The following USP43 variants were observed in gnomAD, a reference collection of about 807,000 sequenced individuals.
USP43 encodes the protein ubiquitin specific peptidase 43.
USP43 carries 33 observed loss-of-function variants against 90.7 expected under a neutral mutation model. The ratio of observed to expected loss-of-function variants is 0.36; its 90% confidence interval spans 0.28 to 0.49. The LOEUF (loss-of-function observed/expected upper bound fraction) is 0.49, where lower values mean the gene tolerates loss of function less well. Ranked by LOEUF, USP43 falls within the 20% of genes least tolerant of loss-of-function variation. The pLI, the probability that USP43 is intolerant of heterozygous loss-of-function variation, is 0.98. For missense variants in USP43, 1,274 were observed against 1,476.4 expected, an observed-to-expected ratio of 0.86 and a Z score of 2.25; for synonymous variants, 598 against 615.8, an observed-to-expected ratio of 0.97 and a Z score of 0.43.
chr17:9,704,552 A>G (rs909579938), intron 12 of USP43, among the ~76,000 whole-genome samples: 1 of 152,060 alleles, frequency 6.6e-6, no homozygotes, highest in African/African-American at 2.4e-5. Context: ...CCTGGCCTCA[A>G]ATGATCTGCC....
chr17:9,711,836 A>G (rs763749481), intron 13 of USP43, 132 bp from the exon 14 acceptor site: 86 of 1,017,348 alleles, frequency 8.5e-5, no homozygotes, highest in Non-Finnish European at 1.1e-4. Flanking sequence ...AGGTTTCTGC[A>G]GTTCTGTTCT....
chr17:9,696,952 C>T (rs894221841), intron 9 of USP43, among the ~76,000 whole-genome samples: 1 of 152,256 alleles, frequency 6.6e-6, no homozygotes, highest in Admixed American at 6.5e-5. Flanking sequence ...CACGGTGGCT[C>T]ACGCCTATAA....
At position 9,666,599 on chromosome 17, in the gene USP43, G is replaced by T. The variant is rs760949241; in HGVS notation, c.637-49G>T. The T allele has an allele frequency of 2.6e-5, 38 of 1,469,014 alleles. No homozygotes were observed. In the Admixed American group the frequency reaches 7.1e-4, roughly 27 times the overall value. 91.0% of individuals were successfully genotyped at this position (1,469,014 alleles called of 1,614,324 possible). On this transcript the variant is annotated intron_variant, in intron 2 of 14. Transcript: ENST00000285199. ...GGCTCGGTGGTCTGGAAGCAGTTGAGTGATGAGAGGTGTATCTAATCTGGC... is the reference window on the plus strand; with the variant it reads ...GGCTCGGTGGTCTGGAAGCAGTTGATTGATGAGAGGTGTATCTAATCTGGC...
At chr17:9,648,351 T>A (rs1044845410) in intron 1 of USP43, among the ~76,000 whole-genome samples, 4 of 152,188 alleles carry the variant, frequency 2.6e-5, no homozygotes, top group African/African-American at 7.2e-5. Context: ...TTATTGAATG[T>A]CCAGAGAGTA....
rs369381058 is a variant in USP43 at position 9,724,569 on chromosome 17, A to G, written c.2336-3385A>G. The stretch of plus-strand genomic sequence containing the variant: ...GTGGTGGACGCCTGTAATCCCAGCT[A>G]CTGGGGAGGCTGAGGCAGGAGAATC... On this transcript the variant is annotated intron_variant, in intron 14 of 14. Coordinates refer to ENST00000285199, the MANE Select transcript of USP43 (RefSeq NM_153210.5). Among the ~76,000 whole-genome samples, 10 of 152,220 alleles carry G rather than the reference A, an allele frequency of 6.6e-5. No individual in the cohort carries two copies. The South Asian group carries it at 1.2e-3, about 19-fold the overall frequency.
chr17:9,647,848 C>CAAAAAAAAAAAAA (rs35223665), intron 1 of USP43, among the ~76,000 whole-genome samples: 1 of 82,096 alleles, frequency 1.2e-5, no homozygotes, highest in African/African-American at 4.6e-5. Context: ...ACTAAAAATC[C>CAAAAAAAAAAAAA]AAAAAAAAAA....
intron 1 of USP43, among the ~76,000 whole-genome samples, chr17:9,647,864 A>G (rs1195159160): frequency 2.0e-5 from 3 of 150,990 alleles, no homozygotes; most frequent in Non-Finnish European, 4.4e-5. Context: ...AAAAAAAAAA[A>G]AAAAAAATTA....
chr17:9,645,303 A>C, upstream of USP43: 5 of 184,404 alleles, frequency 2.7e-5, no homozygotes, highest in African/African-American at 2.3e-5. This position sits in a 1 kb window ranked among gnomAD's most constrained non-coding sequence, Gnocchi z 6.8. Flanking sequence ...TGCTCGAGGA[A>C]CAGGAGCAGC....
At position 9,648,604 on chromosome 17, in the gene USP43, G is replaced by C. The variant is rs193045236; in HGVS notation, c.504+2468G>C. Among the ~76,000 whole-genome samples, 465 of 152,280 alleles carry C rather than the reference G, an allele frequency of 3.1e-3. 1 individual carries two copies. Among genetic ancestry groups the C allele is most frequent in the South Asian group, 7.7e-3 (37 of 4,826 alleles). On this transcript the variant is annotated intron_variant, in intron 1 of 14. Coordinates refer to ENST00000285199, the MANE Select transcript of USP43 (RefSeq NM_153210.5). ...TGGGCAGGGAAAGCTTCCCTGGAGA[G>C]GTAACCAACCGCTGAGTTGAATTTT...
intron 7 of USP43, among the ~76,000 whole-genome samples, chr17:9,683,755 A>C (rs919429590): frequency 1.3e-5 from 2 of 152,170 alleles, no homozygotes; most frequent in Non-Finnish European, 2.9e-5. Context: ...AATTGTTCAA[A>C]AGTAAGGCTG....
chr17:9,722,037 A>T (rs1373619314), intron 14 of USP43, among the ~76,000 whole-genome samples: 1 of 151,992 alleles, frequency 6.6e-6, no homozygotes, highest in African/African-American at 2.4e-5. Context: ...CGCCCAGCCT[A>T]GCTGTACCTT....
chr17:9,728,727 C>T lies in USP43; in HGVS notation c.3109C>T (p.Gln1037Ter). Residue 1037 changes from glutamine (Q) to a stop codon, truncating the protein, a stop_gained, in exon 15 of 15, where the codon CAG (glutamine) becomes TAG (stop). Coordinates refer to ENST00000285199, the MANE Select transcript of USP43 (RefSeq NM_153210.5). LOFTEE classifies it low-confidence loss of function (END_TRUNC). This position sits in a 1 kb window ranked among gnomAD's most constrained non-coding sequence, Gnocchi z 6.2. The part of the protein sequence containing the change: ...SGGLSPAMDG[Q>*]APGSPPALRI... ...CGGGCTGAGCCCTGCCATGGACGGG[C>T]AGGCTCCAGGCTCACCTCCTGCCCT... The T allele has an allele frequency of 6.3e-7, 1 of 1,599,294 alleles. No individual in the cohort carries two copies. Among genetic ancestry groups the T allele is most frequent in the East Asian group, 2.3e-5 (1 of 44,232 alleles).
Position 9,728,691 on chromosome 17 carries a change from C to T in USP43, c.3073C>T (p.Leu1025=). 1.9e-6 allele frequency: 3 copies of T among 1,612,010 alleles called. No individual in the cohort carries two copies. Among genetic ancestry groups the T allele is most frequent in the Non-Finnish European group, 2.5e-6 (3 of 1,179,184 alleles). The change falls in exon 15 of 15, where the codon CTG becomes TTG. Residue 1025 remains leucine (L), a synonymous_variant. Transcript: ENST00000285199. The surrounding 1 kb of genome is among the most constrained non-coding windows in gnomAD (Gnocchi z 6.2). ...CTCTCCACAGGTGCCCCCCGTCTCC[C>T]TGGTGAGTGGCGGGCTGAGCCCTGC... ...EVSPQVPPVS[L]VSGGLSPAMD...
At position 9,675,706 on chromosome 17, in the gene USP43, G is replaced by A. The variant is rs140814374; in HGVS notation, c.833+723G>A. ...CAGCTGAAGACATAACATCTTCAGA[G>A]GGCCTTGCTTGGCAACTCAATCTCC... On this transcript the variant is annotated intron_variant, in intron 4 of 14. Coordinates refer to ENST00000285199, the MANE Select transcript of USP43 (RefSeq NM_153210.5). 3.3e-3 allele frequency among the ~76,000 whole-genome samples: 500 copies of A among 152,276 alleles called. 2 individuals are homozygous for A. The highest frequency in any genetic ancestry group is 0.011 in the African/African-American group (471 of 41,550).
Position 9,645,886 on chromosome 17 carries a change from CCCAGCT to C in USP43, c.263_268del (p.Gln88_Leu89del), listed in dbSNP as rs1181862532. 19 of 1,456,366 alleles carry C rather than the reference CCCAGCT, an allele frequency of 1.3e-5. No individual in the cohort carries two copies. The East Asian group carries it at 1.5e-4, about 12-fold the overall frequency. The allele number at this position is 1,456,366 out of a possible 1,614,324, so 90.2% of individuals were successfully genotyped here. ...GAGGAACGCCCGCCCGGACCCCAGC[CCCAGCT>C]CCAGCTCCCCGCCGGCGATGGGGCG... On this transcript the variant is annotated inframe_deletion, in exon 1 of 15. Coordinates refer to ENST00000285199, the MANE Select transcript of USP43 (RefSeq NM_153210.5). This position sits in a 1 kb window ranked among gnomAD's most constrained non-coding sequence, Gnocchi z 6.8.
chr17:9,680,092 C>A, intron 5 of USP43, 139 bp from the exon 6 acceptor site: 1 of 763,630 alleles, frequency 1.3e-6, no homozygotes, highest in South Asian at 2.0e-5. Flanking sequence ...ATCTACTATG[C>A]TGCCTTATTA....
chr17:9,690,107 C>T (rs1049641125), intron 8 of USP43, among the ~76,000 whole-genome samples: 3 of 152,134 alleles, frequency 2.0e-5, no homozygotes, highest in South Asian at 2.1e-4. Context: ...GCCTTGTGGC[C>T]GATGCTCCCT....
chr17:9,709,795 G>A lies in USP43; in HGVS notation c.2012-161G>A, dbSNP rs1394385625. ...TAAGAATCCGAGGGTATAACTTACT[G>A]ATCTTTTCTGATTCCAAAAAAAATT... On this transcript the variant is annotated intron_variant, in intron 12 of 14. Coordinates refer to ENST00000285199, the MANE Select transcript of USP43 (RefSeq NM_153210.5). This position sits in a 1 kb window ranked among gnomAD's most constrained non-coding sequence, Gnocchi z 5.0. Among the ~76,000 whole-genome samples, 2 of 152,156 alleles carry A rather than the reference G, an allele frequency of 1.3e-5. No homozygotes were observed. Among genetic ancestry groups the A allele is most frequent in the African/African-American group, 4.8e-5 (2 of 41,436 alleles).
At chr17:9,704,971 G>A (rs1915793016) in intron 12 of USP43, among the ~76,000 whole-genome samples, 1 of 152,014 alleles carries the variant, frequency 6.6e-6, no homozygotes, top group Admixed American at 6.6e-5. Flanking sequence ...AATGCCTTTT[G>A]TTTCATTTTA....
Sources: allele counts gnomAD v4.1 joint callset (sites outside exome capture counted in the v4.1 genomes callset), GRCh38; gene constraint gnomAD v4.1.1; non-coding constraint Gnocchi (gnomAD v3.1); transcripts MANE v1.5; gene names NCBI Gene and HGNC (gene_info 2026-07-23, HGNC 2026-07-21).